MSI2: variants seen among roughly 807,000 people sequenced by gnomAD.
MSI2 encodes RNA-binding protein Musashi homolog 2.
In MSI2, 17 loss-of-function variants were observed where a neutral mutation model predicts 45.6. The observed-to-expected ratio is 0.37, with a 90% CI of 0.26 to 0.56. The LOEUF is 0.56. Among genes scored for constraint, MSI2 ranks in the 20% least tolerant of loss-of-function variants. The pLI, the probability that MSI2 is intolerant of heterozygous loss-of-function variation, is 0.77. For synonymous variants in MSI2, 156 were observed against 158.2 expected (o/e 0.99, Z 0.11); for missense variants, 293 against 444.2 (o/e 0.66, Z 3.06).
chr17:57,621,177 C>G (rs1476111733), intron 9 of MSI2, among the ~76,000 whole-genome samples: 1 of 152,186 alleles, frequency 6.6e-6, no homozygotes, highest in Non-Finnish European at 1.5e-5. Context: ...TGACATGACC[C>G]CATCAGTTAC....
intron 5 of MSI2, among the ~76,000 whole-genome samples, chr17:57,378,982 G>A (rs1019153081): frequency 1.3e-5 from 2 of 152,094 alleles, no homozygotes; most frequent in African/African-American, 4.8e-5. Context: ...ATCAGCCTGC[G>A]TGTGGGGTCT....
At chr17:57,639,903 T>G (rs1910123181) in intron 10 of MSI2, among the ~76,000 whole-genome samples, 1 of 152,122 alleles carries the variant, frequency 6.6e-6, no homozygotes, top group African/African-American at 2.4e-5. Context: ...TCTCCATCCT[T>G]CCTTTAGGTG....
intron 8 of MSI2, among the ~76,000 whole-genome samples, chr17:57,611,368 C>T (rs146794910): frequency 1.0e-5 from 1 of 96,286 alleles, no homozygotes; most frequent in East Asian, 2.7e-4. Context: ...GCCCTCTGCC[C>T]TGTGGTGAGA....
At chr17:57,453,625 T>G (rs1484126450) in intron 6 of MSI2, among the ~76,000 whole-genome samples, 1 of 152,218 alleles carries the variant, frequency 6.6e-6, no homozygotes, top group Non-Finnish European at 1.5e-5. Flanking sequence ...AGCATATACC[T>G]TGTGCCGGGC....
intron 6 of MSI2, among the ~76,000 whole-genome samples, chr17:57,492,260 T>TGA (rs2085888278): frequency 6.6e-6 from 1 of 152,140 alleles, no homozygotes; most frequent in Non-Finnish European, 1.5e-5. Flanking sequence ...GTACCGAAGG[T>TGA]GATGGACAAG....
chr17:57,641,314 G>A (rs746148264), intron 10 of MSI2, among the ~76,000 whole-genome samples: 2 of 152,184 alleles, frequency 1.3e-5, no homozygotes, highest in African/African-American at 4.8e-5. Context: ...AGACTTGAGC[G>A]TTTGCTGTCC....
At chr17:57,534,416 TA>T (rs1441123655) in intron 7 of MSI2, among the ~76,000 whole-genome samples, 1 of 152,186 alleles carries the variant, frequency 6.6e-6, no homozygotes, top group Non-Finnish European at 1.5e-5. Flanking sequence ...GAGCTGTTGT[TA>T]AAACCTGGAT....
At chr17:57,563,744 G>A (rs1030821217) in intron 7 of MSI2, among the ~76,000 whole-genome samples, 19 of 115,696 alleles carry the variant, frequency 1.6e-4, no homozygotes, top group Non-Finnish European at 1.2e-4. Flanking sequence ...ACACACAGGC[G>A]CGCACACACA....
chr17:57,697,514 C>T, the MSI2 span, among the ~76,000 whole-genome samples: 1 of 152,130 alleles, frequency 6.6e-6, no homozygotes, highest in Admixed American at 6.5e-5. Flanking sequence ...ACACTCCCAC[C>T]CCCTTGAAGT....
At chr17:57,555,392 C>T (rs1315027032) in intron 7 of MSI2, among the ~76,000 whole-genome samples, 2 of 152,202 alleles carry the variant, frequency 1.3e-5, no homozygotes, top group African/African-American at 2.4e-5. Flanking sequence ...GCTGCCTGCT[C>T]AGGCGCCTCA....
intron 5 of MSI2, chr17:57,364,943 A>G (rs1212451181): frequency 6.6e-6 from 1 of 151,000 alleles, no homozygotes; most frequent in South Asian, 2.1e-4. Flanking sequence ...TTCTTCCTCC[A>G]TGGCACAGGA....
chr17:57,674,778 G>A, intron 11 of MSI2, 194 bp from the exon 12 acceptor site: 1 of 711,152 alleles, frequency 1.4e-6, no homozygotes. Flanking sequence ...GTATTCTTGA[G>A]TCCCTGCTGA....
At chr17:57,350,962 T>G (rs1227671388) in intron 5 of MSI2, among the ~76,000 whole-genome samples, 1 of 152,038 alleles carries the variant, frequency 6.6e-6, no homozygotes, top group African/African-American at 2.4e-5. Context: ...TTATCAGCAA[T>G]GCTAAGCAGG....
chr17:57,517,542 C>G (rs2086495322), intron 6 of MSI2, among the ~76,000 whole-genome samples: 1 of 152,128 alleles, frequency 6.6e-6, no homozygotes, highest in Non-Finnish European at 1.5e-5. Context: ...TCAAAGGAGT[C>G]TTGGAGAAGG....
At chr17:57,502,786 C>A (rs2086145222) in intron 6 of MSI2, among the ~76,000 whole-genome samples, 1 of 151,402 alleles carries the variant, frequency 6.6e-6, no homozygotes, top group Non-Finnish European at 1.5e-5. Context: ...GACCACCTAC[C>A]CTTCCCCAGC....
intron 6 of MSI2, among the ~76,000 whole-genome samples, chr17:57,479,680 A>C (rs1347953436): frequency 6.6e-6 from 1 of 152,188 alleles, no homozygotes; most frequent in Non-Finnish European, 1.5e-5. Flanking sequence ...AATTGGAGCC[A>C]CTGAACTTTG....
At chr17:57,265,289 G>C (rs749146984) in intron 5 of MSI2, 5 of 152,154 alleles carry the variant, frequency 3.3e-5, no homozygotes, top group African/African-American at 4.8e-5. Context: ...GCCCCTCCTC[G>C]TGGGATGGGC....
intron 6 of MSI2, among the ~76,000 whole-genome samples, chr17:57,480,997 G>A (rs1370339564): frequency 1.3e-5 from 2 of 152,308 alleles, no homozygotes; most frequent in East Asian, 3.9e-4. Context: ...ATTGATAAGG[G>A]AGACTCATAG....
chr17:57,490,487 A>G (rs2085848675), intron 6 of MSI2, among the ~76,000 whole-genome samples: 1 of 152,170 alleles, frequency 6.6e-6, no homozygotes, highest in African/African-American at 2.4e-5. Context: ...AGTCCCACTG[A>G]AGGTAGACCT....
Sources: gnomAD v4.1 joint callset for allele counts (sites outside exome capture counted in the v4.1 genomes callset) on GRCh38, gnomAD v4.1.1 for gene constraint, MANE v1.5 for transcripts, NCBI Gene and HGNC (gene_info 2026-07-23, HGNC 2026-07-21) for gene names.